The following CTNNA2 variants were observed in gnomAD, a reference collection of about 807,000 sequenced individuals.
CTNNA2 encodes catenin alpha 2, also known as catenin alpha-2.
In CTNNA2, 42 loss-of-function variants were observed where a neutral mutation model predicts 101.0. That is an observed-to-expected ratio of 0.42 (90% confidence interval 0.32 to 0.54). The LOEUF (loss-of-function observed/expected upper bound fraction) is 0.54. Among genes scored for constraint, CTNNA2 ranks in the 20% least tolerant of loss-of-function variants. The pLI is 0.14. For synonymous variants in CTNNA2, 450 were observed against 456.4 expected (o/e 0.99, Z 0.18); for missense variants, 871 against 1,223.1 (o/e 0.71, Z 4.29).
At chr2:80,641,548 C>T (rs1176639749) in intron 18 of CTNNA2, among the ~76,000 whole-genome samples, 1 of 151,972 alleles carries the variant, frequency 6.6e-6, no homozygotes, top group East Asian at 1.9e-4. Flanking sequence ...GCAATGTGTC[C>T]CCTACTTGTT....
intron 9 of CTNNA2, among the ~76,000 whole-genome samples, chr2:80,469,952 T>A (rs894796413): frequency 2.0e-5 from 3 of 152,178 alleles, no homozygotes; most frequent in Admixed American, 2.0e-4. Flanking sequence ...CTTTTTAGAA[T>A]GGGGCAATAG....
intron 7 of CTNNA2, among the ~76,000 whole-genome samples, chr2:80,004,701 ATTTATT>A: frequency 6.6e-6 from 1 of 150,766 alleles, no homozygotes; most frequent in African/African-American, 2.4e-5. Flanking sequence ...TTATTTATTT[ATTTATT>A]TATCCATCCA....
chr2:80,302,682 T>C lies in CTNNA2; in HGVS notation c.1057-90529T>C. ...GCAGGGGGCCCCAGATCACTGCGGT[T>C]GGTGACGGCCGAGAGCAGGTGGCCG... On this transcript the variant is annotated intron_variant, in intron 7 of 18. Coordinates refer to ENST00000402739, the MANE Select transcript of CTNNA2 (RefSeq NM_001282597.3). This position sits in a 1 kb window ranked among gnomAD's most constrained non-coding sequence, Gnocchi z 6.4. The C allele has an allele frequency of 1.2e-6, 2 of 1,612,286 alleles. No individual in the cohort carries two copies. Among genetic ancestry groups the C allele is most frequent in the South Asian group, 2.2e-5 (2 of 91,042 alleles).
intron 18 of CTNNA2, among the ~76,000 whole-genome samples, chr2:80,630,726 A>G (rs1269245723): frequency 6.6e-6 from 1 of 152,218 alleles, no homozygotes; most frequent in Non-Finnish European, 1.5e-5. Context: ...AGAAAAAACT[A>G]AAGTGATAGT....
chr2:79,577,263 A>G (rs551680417), intron 1 of CTNNA2, among the ~76,000 whole-genome samples: 22 of 152,220 alleles, frequency 1.4e-4, no homozygotes, highest in Admixed American at 2.0e-4. Context: ...TGAATAAATG[A>G]CGTATGTTAA....
intron 3 of CTNNA2, among the ~76,000 whole-genome samples, chr2:79,330,026 T>G (rs867222952): frequency 6.6e-6 from 1 of 152,104 alleles, no homozygotes; most frequent in Non-Finnish European, 1.5e-5. Flanking sequence ...AAACAGCTTC[T>G]TCCATGGAGA....
chr2:79,864,959 A>T (rs1391376988), intron 4 of CTNNA2, among the ~76,000 whole-genome samples: 1 of 152,206 alleles, frequency 6.6e-6, no homozygotes, highest in Non-Finnish European at 1.5e-5. Context: ...GACGTAAGCC[A>T]TTTAGAACAC....
At chr2:80,628,896 C>G (rs1285301226) in intron 18 of CTNNA2, among the ~76,000 whole-genome samples, 2 of 152,044 alleles carry the variant, frequency 1.3e-5, no homozygotes, top group African/African-American at 2.4e-5. Flanking sequence ...CAAGTGTATG[C>G]CCTCCATTGA....
At chr2:80,220,325 C>G (rs1219789910) in intron 7 of CTNNA2, among the ~76,000 whole-genome samples, 1 of 152,360 alleles carries the variant, frequency 6.6e-6, no homozygotes, top group East Asian at 1.9e-4. Flanking sequence ...GCCACATGGG[C>G]TCACAAATAA....
At chr2:80,076,572 T>A (rs1391979186) in intron 7 of CTNNA2, among the ~76,000 whole-genome samples, 1 of 151,974 alleles carries the variant, frequency 6.6e-6, no homozygotes, top group Non-Finnish European at 1.5e-5. Context: ...CATGAGCCAC[T>A]GCACTTGGCT....
chr2:79,259,421 A>G (rs1264465368), intron 2 of CTNNA2, among the ~76,000 whole-genome samples: 3 of 152,204 alleles, frequency 2.0e-5, no homozygotes, highest in Non-Finnish European at 2.9e-5. Context: ...GAATCAATAG[A>G]AAGAACCCAT....
intron 2 of CTNNA2, among the ~76,000 whole-genome samples, chr2:79,663,867 C>T (rs1246437104): frequency 3.3e-5 from 5 of 152,144 alleles, no homozygotes; most frequent in Admixed American, 6.6e-5. Context: ...ATTTGTTGAA[C>T]GATTAAATAA....
chr2:79,728,314 T>C (rs886819151), intron 2 of CTNNA2, among the ~76,000 whole-genome samples: 2 of 152,214 alleles, frequency 1.3e-5, no homozygotes, highest in Non-Finnish European at 2.9e-5. Context: ...TGATTTGCAT[T>C]TCTCTGATGG....
intron 6 of CTNNA2, among the ~76,000 whole-genome samples, chr2:79,907,911 T>C (rs2104313532): frequency 6.6e-6 from 1 of 152,320 alleles, no homozygotes; most frequent in South Asian, 2.1e-4. Flanking sequence ...CCTACACTCA[T>C]TCCTTAAGAC....
intron 4 of CTNNA2, among the ~76,000 whole-genome samples, chr2:79,392,350 C>T (rs1678183269): frequency 6.6e-6 from 1 of 152,158 alleles, no homozygotes; most frequent in Non-Finnish European, 1.5e-5. Context: ...CAAAAATCCT[C>T]AAGGCACAGG....
At chr2:80,192,601 A>G (rs1706578924) in intron 7 of CTNNA2, among the ~76,000 whole-genome samples, 1 of 152,064 alleles carries the variant, frequency 6.6e-6, no homozygotes, top group Admixed American at 6.6e-5. Flanking sequence ...ATCTTGGCTC[A>G]CTGCAACCTC....
intron 9 of CTNNA2, among the ~76,000 whole-genome samples, chr2:80,487,145 G>A (rs1031206554): frequency 2.0e-5 from 3 of 151,908 alleles, no homozygotes; most frequent in Non-Finnish European, 4.4e-5. Flanking sequence ...GCCGGGCGTG[G>A]TGGTGCACAC....
At chr2:79,670,412 C>T (rs553553952) in intron 2 of CTNNA2, among the ~76,000 whole-genome samples, 1 of 152,250 alleles carries the variant, frequency 6.6e-6, no homozygotes, top group South Asian at 2.1e-4. Context: ...TCTGCAGTTG[C>T]GATTTGGGTG....
chr2:80,520,695 G>A (rs1689471798), intron 9 of CTNNA2, among the ~76,000 whole-genome samples: 1 of 152,142 alleles, frequency 6.6e-6, no homozygotes, highest in Non-Finnish European at 1.5e-5. Flanking sequence ...TAGCCCCCAA[G>A]GGCTCCACCT....
Sources: gnomAD v4.1 joint callset for allele counts (sites outside exome capture counted in the v4.1 genomes callset) on GRCh38, gnomAD v4.1.1 for gene constraint, Gnocchi (gnomAD v3.1) non-coding constraint, MANE v1.5 for transcripts, NCBI Gene and HGNC (gene_info 2026-07-23, HGNC 2026-07-21) for gene names.